The following ASAP3 variants were observed in gnomAD, a reference collection of about 807,000 sequenced individuals.
ASAP3 encodes the protein ArfGAP with SH3 domain, ankyrin repeat and PH domain 3.
A neutral mutation model predicts 118.2 loss-of-function variants in ASAP3; 85 were observed. The ratio of observed to expected loss-of-function variants is 0.72; its 90% CI spans 0.60 to 0.86. ASAP3 has a LOEUF of 0.86. Among genes scored for constraint, ASAP3 ranks in the 40% least tolerant of loss-of-function variants. ASAP3 has a pLI of 0.00. For synonymous variants in ASAP3, 432 were observed against 477.4 expected (o/e 0.90, Z 1.24); for missense variants, 1,026 against 1,175.0 (o/e 0.87, Z 1.85).
chr1:23,449,924 G>C (rs564307671), intron 5 of ASAP3, among the ~76,000 whole-genome samples: 3 of 152,340 alleles, frequency 2.0e-5, no homozygotes, highest in Admixed American at 2.0e-4. Context: ...GCTTAGTTAA[G>C]GTAACTCAGG....
chr1:23,476,677 T>C (rs1290864690), intron 1 of ASAP3, among the ~76,000 whole-genome samples: 1 of 152,226 alleles, frequency 6.6e-6, no homozygotes, highest in Non-Finnish European at 1.5e-5. Flanking sequence ...AACTTGAATA[T>C]GGCCTTGCCA....
At position 23,460,527 on chromosome 1, in the gene ASAP3, C is replaced by A. The variant is rs1204692427; in HGVS notation, c.130-4333G>T. Among the ~76,000 whole-genome samples the A allele has an allele frequency of 2.0e-3, 168 of 86,126 alleles. 2 individuals carry two copies. The highest frequency in any genetic ancestry group is 3.4e-3 in the South Asian group (10 of 2,930). The allele number at this position is 86,126 out of a possible 152,430, so 56.5% of individuals were successfully genotyped here. On this transcript the variant is annotated intron_variant, in intron 1 of 24. Transcript: ENST00000336689. ...ATCTCAAAAAAAAAAAAAAAAAAAA[C>A]CAAACAAAAACACACACACACACAA...
rs942585717 is a variant in ASAP3 at position 23,436,198 on chromosome 1, T to C, written c.1572-170A>G. Among the ~76,000 whole-genome samples, 1 of 152,130 alleles carries C rather than the reference T, an allele frequency of 6.6e-6. No individual in the cohort carries two copies. Among genetic ancestry groups the C allele is most frequent in the African/African-American group, 2.4e-5 (1 of 41,434 alleles). On this transcript the variant is annotated intron_variant, in intron 16 of 24. Coordinates refer to ENST00000336689, the MANE Select transcript of ASAP3 (RefSeq NM_017707.4). The surrounding 1 kb of genome is among the most constrained non-coding windows in gnomAD (Gnocchi z 4.2). ...GCTTTTTTTTTAGACAGTCTCACTCTATTGCCCAGGAGGGAGTGCAGTGGC... is the reference window on the plus strand; with the variant it reads ...GCTTTTTTTTTAGACAGTCTCACTCCATTGCCCAGGAGGGAGTGCAGTGGC...
rs1266548307 is a variant in ASAP3, at chr1:23,484,082, G to A, written c.52C>T (p.Leu18Phe). The A allele has an allele frequency of 1.5e-6, 2 of 1,346,542 alleles. No homozygotes were observed. The highest frequency in any genetic ancestry group is 1.9e-5 in the South Asian group (1 of 52,972). The allele number at this position is 1,346,542 out of a possible 1,614,324, so 83.4% of individuals were successfully genotyped here. ...GCGGCGGCCCCAGCCGGGGAGCTGA[G>A]GTCCTCCGCGGTGACGGCCAGGAAC... ...AEFLAVTAEDLSSPAGAAAFA... is the reference protein window; with the variant it reads ...AEFLAVTAEDFSSPAGAAAFA... The change falls in exon 1 of 25, where the codon CTC becomes TTC. Residue 18 changes from leucine (L) to phenylalanine (F), a missense_variant. Physicochemically the swap from Leu to Phe is conservative, Grantham distance 22. Coordinates refer to ENST00000336689, the MANE Select transcript of ASAP3 (RefSeq NM_017707.4).
Position 23,438,949 on chromosome 1 carries a change from C to A in ASAP3, c.1015-115G>T. The A allele has an allele frequency of 8.2e-7, 1 of 1,217,034 alleles. No individual in the cohort carries two copies. The highest frequency in any genetic ancestry group is 1.2e-6 in the Non-Finnish European group (1 of 843,604). The allele number at this position is 1,217,034 out of a possible 1,614,324, so 75.4% of individuals were successfully genotyped here. A position where few individuals can be genotyped will look rare whatever the true frequency, so the allele number is the denominator to read the frequency against. ...TAATCATCCTGTTCCATTTGTGTTTCTCCTCACCCAGCAGCACCTCAAGGA... is the reference window on the plus strand; with the variant it reads ...TAATCATCCTGTTCCATTTGTGTTTATCCTCACCCAGCAGCACCTCAAGGA... On this transcript the variant is annotated intron_variant, in intron 11 of 24. Coordinates refer to ENST00000336689, the MANE Select transcript of ASAP3 (RefSeq NM_017707.4). This position sits in a 1 kb window ranked among gnomAD's most constrained non-coding sequence, Gnocchi z 4.9.
intron 10 of ASAP3, among the ~76,000 whole-genome samples, chr1:23,439,457 C>T (rs1640789438): frequency 6.6e-6 from 1 of 152,132 alleles, no homozygotes; most frequent in African/African-American, 2.4e-5. Context: ...GATGGAGAAA[C>T]ACAGCCTCAC....
upstream of ASAP3, chr1:23,484,199 C>T (rs895375920): frequency 1.7e-6 from 2 of 1,210,396 alleles, no homozygotes; most frequent in African/African-American, 3.2e-5. Context: ...CGCGCTGAGC[C>T]GGCCTCACCG....
rs747605318 is a variant in ASAP3 at position 23,434,578 on chromosome 1, G to A, written c.1790C>T (p.Ala597Val). 2 of 1,614,098 alleles carry A rather than the reference G, an allele frequency of 1.2e-6. No individual in the cohort carries two copies. The highest frequency in any genetic ancestry group is 1.7e-5 in the Admixed American group (1 of 60,022). ...CACCAGAGGCAGGGAAGCCTGGTTG[G>A]CGACTTTGACAGCCAAATGCAAGAC... Reference protein sequence around the residue: ...ELVLHLAVKVANQASLPLVDF... With the variant: ...ELVLHLAVKVVNQASLPLVDF... Residue 597 changes from alanine (A) to valine (V), a missense_variant, in exon 18 of 25, where the codon GCC becomes GTC. Physicochemically the swap from Ala to Val is moderately conservative, Grantham distance 64. Transcript: ENST00000336689.
intron 1 of ASAP3, among the ~76,000 whole-genome samples, chr1:23,460,338 C>T (rs754333062): frequency 2.6e-5 from 4 of 152,004 alleles, no homozygotes; most frequent in Non-Finnish European, 5.9e-5. Context: ...GAAACCCTGT[C>T]TCTACTAAAA....
chr1:23,434,472 G>C, intron 18 of ASAP3, 61 bp downstream of exon 18: 3 of 1,603,976 alleles, frequency 1.9e-6, no homozygotes, highest in Non-Finnish European at 2.6e-6. Context: ...GAGAATGGGA[G>C]AAGAGGAAGG....
chr1:23,465,973 C>T (rs1641754656), intron 1 of ASAP3, among the ~76,000 whole-genome samples: 1 of 152,194 alleles, frequency 6.6e-6, no homozygotes, highest in South Asian at 2.1e-4. Flanking sequence ...TCACCATCCC[C>T]TCAGGCTTAG....
At chr1:23,444,058 G>A (rs571059266) in intron 5 of ASAP3, among the ~76,000 whole-genome samples, 162 of 152,034 alleles carry the variant, frequency 1.1e-3, no homozygotes, top group Non-Finnish European at 2.0e-3. Flanking sequence ...TAGTAGAGAC[G>A]GAGTTTCACC....
intron 17 of ASAP3, chr1:23,435,577 C>T: frequency 1.9e-6 from 1 of 523,638 alleles, no homozygotes; most frequent in East Asian, 3.3e-5. Flanking sequence ...CACTTCATCA[C>T]CGTGGGTGCT....
At chr1:23,463,286 C>G (rs1204366462) in intron 1 of ASAP3, among the ~76,000 whole-genome samples, 1 of 152,056 alleles carries the variant, frequency 6.6e-6, no homozygotes. Flanking sequence ...AAGAAAATAT[C>G]TGAAAATCAT....
chr1:23,436,690 A>T lies in ASAP3; in HGVS notation c.1477-36T>A. 1 of 1,612,566 alleles carries T rather than the reference A, an allele frequency of 6.2e-7. No individual in the cohort carries two copies. Among genetic ancestry groups the T allele is most frequent in the Non-Finnish European group, 8.5e-7 (1 of 1,178,600 alleles). ...AGGAAAATAGACGTGGGGCGGAGTA[A>T]GACCGGGCGGTTAAGCCTGCATAGG... is the stretch of plus-strand genomic sequence containing the variant. On this transcript the variant is annotated intron_variant, in intron 15 of 24. Transcript: ENST00000336689. The surrounding 1 kb of genome is among the most constrained non-coding windows in gnomAD (Gnocchi z 4.2).
chr1:23,476,613 T>G (rs1184428231), intron 1 of ASAP3, among the ~76,000 whole-genome samples: 1 of 152,222 alleles, frequency 6.6e-6, no homozygotes, highest in East Asian at 1.9e-4. Flanking sequence ...CAAACTGGAT[T>G]ATGCTGCTTG....
In ASAP3 at chr1:23,431,239, C is replaced by A. The variant is rs79544314; in HGVS notation, c.2547-114G>T. 5.4e-3 allele frequency: 5,744 copies of A among 1,060,326 alleles called. 185 individuals are homozygous for A. In the African/African-American group the frequency reaches 0.073, roughly 13 times the overall value. 65.7% of individuals were successfully genotyped at this position (1,060,326 alleles called of 1,614,324 possible). On this transcript the variant is annotated intron_variant, in intron 23 of 24. Transcript: ENST00000336689. ...GGGGCTTAGGATGGGTGGGTAGAGT[C>A]CACAAGGCCCCCAGGCCAGGTCCAT... is the stretch of plus-strand genomic sequence containing the variant.
At chr1:23,475,535 C>T (rs1006177603) in intron 1 of ASAP3, among the ~76,000 whole-genome samples, 1 of 152,206 alleles carries the variant, frequency 6.6e-6, no homozygotes, top group Non-Finnish European at 1.5e-5. Flanking sequence ...GATTCTGACA[C>T]AGATGCAGGT....
At position 23,484,171 on chromosome 1, in the gene ASAP3, G is replaced by C. The variant is rs931828010; in HGVS notation, c.-38C>G. On this transcript the variant is annotated 5_prime_UTR_variant, in exon 1 of 25. Coordinates refer to ENST00000336689, the MANE Select transcript of ASAP3 (RefSeq NM_017707.4). Reference sequence around the variant, plus strand: ...CGTGGAGCTGCCGGAGCGGGGCGCGGGGGGCACTGAGCTGCTCCGCGCTGA... The same window carrying C: ...CGTGGAGCTGCCGGAGCGGGGCGCGCGGGGCACTGAGCTGCTCCGCGCTGA... 1.6e-6 allele frequency: 2 copies of C among 1,245,792 alleles called. No individual in the cohort carries two copies. Among genetic ancestry groups the C allele is most frequent in the Non-Finnish European group, 2.0e-6 (2 of 995,302 alleles). 77.2% of individuals were successfully genotyped at this position (1,245,792 alleles called of 1,614,324 possible). A position where few individuals can be genotyped will look rare whatever the true frequency, so the allele number is the denominator to read the frequency against.
Sources: allele counts gnomAD v4.1 joint callset (sites outside exome capture counted in the v4.1 genomes callset), GRCh38; gene constraint gnomAD v4.1.1; non-coding constraint Gnocchi (gnomAD v3.1); transcripts MANE v1.5; gene names NCBI Gene and HGNC (gene_info 2026-07-23, HGNC 2026-07-21).